Variants in SLC10A2 observed in about 807,000 individuals in gnomAD.
SLC10A2 encodes the protein ileal sodium/bile acid cotransporter.
A neutral mutation model predicts 27.1 loss-of-function variants in SLC10A2; 34 were observed. The observed-to-expected ratio is 1.26, with a 90% CI of 0.96 to 1.67. SLC10A2 has a LOEUF of 1.67. Ranked by LOEUF, SLC10A2 falls within the 40% of genes most tolerant of loss-of-function variation. The pLI is 0.00. For synonymous variants in SLC10A2, 205 were observed against 174.0 expected (o/e 1.18, Z -1.40); for missense variants, 530 against 444.4 (o/e 1.19, Z -1.73).
chr13:103,060,752 A>G (rs1876092362), intron 1 of SLC10A2, among the ~76,000 whole-genome samples: 1 of 152,068 alleles, frequency 6.6e-6, no homozygotes, highest in Non-Finnish European at 1.5e-5. Context: ...AAACTTAGAG[A>G]AATGAGAAAT....
intron 4 of SLC10A2, 68 bp from the exon 5 acceptor site, chr13:103,049,514 T>C: frequency 3.4e-6 from 5 of 1,482,386 alleles, no homozygotes; most frequent in Non-Finnish European, 3.7e-6. Context: ...AAAGCAGATA[T>C]AATAATAAGT....
At chr13:103,060,733 A>G (rs1876091598) in intron 1 of SLC10A2, among the ~76,000 whole-genome samples, 1 of 152,158 alleles carries the variant, frequency 6.6e-6, no homozygotes, top group South Asian at 2.1e-4. Flanking sequence ...TCCACCAAAT[A>G]GAATCGGGAA....
intron 2 of SLC10A2, among the ~76,000 whole-genome samples, chr13:103,056,453 T>C (rs1312817634): frequency 6.6e-6 from 1 of 152,146 alleles, no homozygotes; most frequent in Non-Finnish European, 1.5e-5. Context: ...GTATAAGTCA[T>C]TCACACTGCA....
Position 103,059,035 on chromosome 13 carries a change from T to A in SLC10A2, c.378-653A>T, listed in dbSNP as rs1045032892. ...TTAGGTCTTTGAGGAATTGCCACAC[T>A]GCTTTCCGCAATGGATGAACTAATT... On this transcript the variant is annotated intron_variant, in intron 1 of 5. Transcript: ENST00000245312. Among the ~76,000 whole-genome samples the A allele has an allele frequency of 2.6e-5, 4 of 152,342 alleles. No homozygotes were observed. In the South Asian group the frequency reaches 8.3e-4, roughly 32 times the overall value.
intron 4 of SLC10A2, among the ~76,000 whole-genome samples, chr13:103,049,972 G>A (rs1264971814): frequency 1.3e-5 from 2 of 151,562 alleles, no homozygotes; most frequent in African/African-American, 4.8e-5. Context: ...CACATAATGA[G>A]ACCCTGTTTC....
intron 1 of SLC10A2, among the ~76,000 whole-genome samples, chr13:103,062,905 T>C (rs1279379892): frequency 6.6e-6 from 1 of 152,204 alleles, no homozygotes; most frequent in Non-Finnish European, 1.5e-5. Flanking sequence ...ATGGTGTCGC[T>C]GAGGCCATTA....
intron 1 of SLC10A2, 91 bp downstream of exon 1, chr13:103,065,782 T>C: frequency 2.8e-6 from 4 of 1,450,098 alleles, no homozygotes; most frequent in Middle Eastern, 2.0e-4. Flanking sequence ...TTTAGATGCG[T>C]GGCAAATCAG....
chr13:103,053,514 A>G (rs1373714059), intron 2 of SLC10A2, among the ~76,000 whole-genome samples: 1 of 152,202 alleles, frequency 6.6e-6, no homozygotes, highest in East Asian at 1.9e-4. Context: ...CATTTGTCCA[A>G]TAGCTGATTT....
intron 1 of SLC10A2, among the ~76,000 whole-genome samples, chr13:103,064,249 AT>A (rs1356278655): frequency 6.6e-6 from 1 of 151,058 alleles, no homozygotes; most frequent in Non-Finnish European, 1.5e-5. Flanking sequence ...TTTAGTTCTT[AT>A]TAAAAAAAAT....
chr13:103,054,645 A>G (rs1753449044), intron 2 of SLC10A2, among the ~76,000 whole-genome samples: 1 of 152,162 alleles, frequency 6.6e-6, no homozygotes, highest in African/African-American at 2.4e-5. Context: ...ACGGGATAAC[A>G]CATAAGCAGC....
At chr13:103,055,370 C>T (rs546635414) in intron 2 of SLC10A2, among the ~76,000 whole-genome samples, 37 of 152,286 alleles carry the variant, frequency 2.4e-4, no homozygotes, top group African/African-American at 7.9e-4. Context: ...TCTGAGGGGG[C>T]TCACAGGTGT....
intron 1 of SLC10A2, among the ~76,000 whole-genome samples, chr13:103,058,697 G>A (rs537101500): frequency 1.4e-4 from 22 of 152,292 alleles, no homozygotes; most frequent in Admixed American, 9.2e-4. Flanking sequence ...TTATAAGTGA[G>A]AACATGCAGT....
chr13:103,064,057 A>C (rs1876204051), intron 1 of SLC10A2, among the ~76,000 whole-genome samples: 1 of 152,202 alleles, frequency 6.6e-6, no homozygotes, highest in Non-Finnish European at 1.5e-5. Context: ...GTCCCGCATG[A>C]GGAGCATTTA....
At chr13:103,062,126 A>G (rs1876141127) in intron 1 of SLC10A2, among the ~76,000 whole-genome samples, 1 of 152,280 alleles carries the variant, frequency 6.6e-6, no homozygotes, top group Non-Finnish European at 1.5e-5. Flanking sequence ...TGAGGAATTC[A>G]GTGAAATCAG....
chr13:103,054,600 TA>T (rs35097190), intron 2 of SLC10A2, among the ~76,000 whole-genome samples: 64,707 of 151,846 alleles, frequency 0.43, 14,510 homozygotes, highest in Non-Finnish European at 0.5. Flanking sequence ...CCCCTCCTGC[TA>T]AGAGTATTCA....
intron 2 of SLC10A2, among the ~76,000 whole-genome samples, chr13:103,057,438 A>T (rs1413743461): frequency 6.6e-6 from 1 of 152,184 alleles, no homozygotes; most frequent in African/African-American, 2.4e-5. Context: ...TGACTCCTGG[A>T]GCATGACTTT....
Position 103,049,438 on chromosome 13 carries a change from G to A in SLC10A2, c.770C>T (p.Thr257Met), listed in dbSNP as rs145541774. The A allele has an allele frequency of 9.2e-5, 149 of 1,613,822 alleles. No homozygotes were observed. Among genetic ancestry groups the A allele is most frequent in the East Asian group, 5.1e-4 (23 of 44,850 alleles). Residue 257 changes from threonine (T) to methionine (M), a missense_variant, in exon 5 of 6, where the codon ACG becomes ATG. Thr to Met is a moderately conservative substitution (Grantham distance 81, BLOSUM62 -1). Coordinates refer to ENST00000245312, the MANE Select transcript of SLC10A2 (RefSeq NM_000452.3). ...IAGLPWYRCR[T>M]VAFETGMQNT... ...CTGCATCCCCGTTTCAAAAGCAACC[G>A]TTCGGCACCTAAAGAAGATGTTAAG...
intron 1 of SLC10A2, among the ~76,000 whole-genome samples, chr13:103,063,182 AT>A (rs1191979401): frequency 2.0e-5 from 3 of 152,050 alleles, no homozygotes; most frequent in Admixed American, 6.6e-5. Flanking sequence ...TACTTGCTGG[AT>A]TCCAATGATC....
chr13:103,057,475 G>T (rs279917), intron 2 of SLC10A2, among the ~76,000 whole-genome samples: 1 of 152,160 alleles, frequency 6.6e-6, no homozygotes, highest in African/African-American at 2.4e-5. Context: ...TTGGGTCAAG[G>T]TGTGGCTCAC....
Sources: gnomAD v4.1 joint callset for allele counts (sites outside exome capture counted in the v4.1 genomes callset) on GRCh38, gnomAD v4.1.1 for gene constraint, MANE v1.5 for transcripts, NCBI Gene and HGNC (gene_info 2026-07-23, HGNC 2026-07-21) for gene names.